INTS1: variants seen among roughly 807,000 people sequenced by gnomAD.
INTS1 encodes integrator complex subunit 1.
In INTS1, 137 loss-of-function variants were observed where a neutral mutation model predicts 241.6. The ratio of observed to expected loss-of-function variants is 0.57; its 90% CI spans 0.49 to 0.65. INTS1 has a LOEUF of 0.65. INTS1 is among the 30% of genes least tolerant of loss of function. The probability of loss-of-function intolerance (pLI) is 0.00; values close to 1 mark genes in which losing one functional copy is unlikely to be tolerated. For synonymous variants in INTS1, 1,692 were observed against 1,337.8 expected (o/e 1.26, Z -5.78); for missense variants, 3,073 against 3,032.2 (o/e 1.01, Z -0.32).
chr7:1,487,612 AGGGACGC>A, intron 19 of INTS1, 141 bp downstream of exon 19: 1 of 1,278,930 alleles, frequency 7.8e-7, no homozygotes. Flanking sequence ...GCAGTAAGCC[AGGGACGC>A]GGGGACGGGG....
In INTS1 at chr7:1,474,155, C is replaced by T. The variant is rs376733081; in HGVS notation, c.5829+13G>A. On this transcript the variant is annotated intron_variant, in intron 41 of 47. Transcript: ENST00000404767. ...TGGAAGGGAGCGCGAGGGCGGGCGGCGGGAGCACACACCAGCAGCAGGCGG... is the reference window on the plus strand; with the variant it reads ...TGGAAGGGAGCGCGAGGGCGGGCGGTGGGAGCACACACCAGCAGCAGGCGG... 95 of 1,546,078 alleles carry T rather than the reference C, an allele frequency of 6.1e-5. No homozygotes were observed. Among genetic ancestry groups the T allele is most frequent in the Admixed American group, 2.0e-4 (11 of 55,742 alleles).
intron 39 of INTS1, among the ~76,000 whole-genome samples, chr7:1,475,639 C>T (rs942363143): frequency 1.3e-5 from 2 of 152,162 alleles, no homozygotes; most frequent in Non-Finnish European, 2.9e-5. Context: ...CTGTCACTGC[C>T]CCAAACTGAA....
At chr7:1,474,412 G>T (rs915560258) in intron 40 of INTS1, 52 bp from the exon 41 acceptor site, 7 of 1,511,460 alleles carry the variant, frequency 4.6e-6, no homozygotes, top group Non-Finnish European at 4.4e-6. Context: ...CTCACCTGGC[G>T]CACGTCCCCA....
At chr7:1,473,544 C>T (rs1046228836) in intron 42 of INTS1, 22 bp downstream of exon 42, 6 of 1,572,478 alleles carry the variant, frequency 3.8e-6, no homozygotes, top group Non-Finnish European at 5.2e-6. Context: ...CCGAGGCTTC[C>T]CTGCAGCCCG....
Position 1,497,434 on chromosome 7 carries a change from T to G in INTS1, c.1426-120A>C. The G allele has an allele frequency of 9.3e-7, 1 of 1,076,564 alleles. No individual in the cohort carries two copies. Among genetic ancestry groups the G allele is most frequent in the Non-Finnish European group, 1.3e-6 (1 of 772,070 alleles). The allele number at this position is 1,076,564 out of a possible 1,614,324, so 66.7% of individuals were successfully genotyped here. A position where few individuals can be genotyped will look rare whatever the true frequency, so the allele number is the denominator to read the frequency against. The stretch of plus-strand genomic sequence containing the variant: ...GCGCTGCAGTGGGTCTCAGACAGTG[T>G]GGGGTGCGGGGTGGCGGGCTCCTTG... On this transcript the variant is annotated intron_variant, in intron 10 of 47. Transcript: ENST00000404767. This position sits in a 1 kb window ranked among gnomAD's most constrained non-coding sequence, Gnocchi z 5.3.
chr7:1,499,390 C>T (rs752351488), intron 6 of INTS1, 30 bp from the exon 7 acceptor site: 16 of 1,552,918 alleles, frequency 1.0e-5, no homozygotes, highest in South Asian at 8.5e-5. Flanking sequence ...CTCCATGCAG[C>T]GCCTCCCACC....
intron 27 of INTS1, 199 bp downstream of exon 27, chr7:1,482,347 A>C: frequency 2.1e-6 from 1 of 478,844 alleles, no homozygotes; most frequent in Non-Finnish European, 3.7e-6. Context: ...CGGGGCCAGC[A>C]CAGGCTGCCC....
chr7:1,482,963 G>GCACA, intron 26 of INTS1: 1 of 514,640 alleles, frequency 1.9e-6, no homozygotes, highest in Non-Finnish European at 3.5e-6. Context: ...GGACATGTGC[G>GCACA]TGTCCCCATC....
At chr7:1,474,906 G>C (rs1294798578) in intron 39 of INTS1, 68 bp from the exon 40 acceptor site, 1 of 1,516,394 alleles carries the variant, frequency 6.6e-7, no homozygotes, top group East Asian at 2.5e-5. Context: ...CACTCAGCCT[G>C]GCCGCCAGCT....
chr7:1,488,532 C>T (rs1156476951), intron 18 of INTS1, among the ~76,000 whole-genome samples: 2 of 152,150 alleles, frequency 1.3e-5, no homozygotes, highest in African/African-American at 4.8e-5. Flanking sequence ...AACACACAGG[C>T]AGACACACAC....
intron 9 of INTS1, 73 bp from the exon 10 acceptor site, chr7:1,498,626 C>A: frequency 6.4e-7 from 1 of 1,555,054 alleles, no homozygotes; most frequent in Non-Finnish European, 8.7e-7. Flanking sequence ...CCCCACTCCG[C>A]CCGCACCCCC....
Position 1,500,026 on chromosome 7 carries a change from C to T in INTS1, c.547-5G>A. 1 of 1,612,728 alleles carries T rather than the reference C, an allele frequency of 6.2e-7. No homozygotes were observed. Reference sequence around the variant, plus strand: ...CCGCAGGAGGCTACACAGAGCCTGCCAGGGAGGGCGCATGTCACGTGGGAG... The same window carrying T: ...CCGCAGGAGGCTACACAGAGCCTGCTAGGGAGGGCGCATGTCACGTGGGAG... On this transcript the variant is annotated splice_region_variant and splice_polypyrimidine_tract_variant and intron_variant, in intron 4 of 47. Coordinates refer to ENST00000404767, the MANE Select transcript of INTS1 (RefSeq NM_001080453.3).
chr7:1,499,301 C>A lies in INTS1; in HGVS notation c.904G>T (p.Ala302Ser). Reference protein sequence around the residue: ...EEDSQTELLIAEEKLSPEQEG... With the variant: ...EEDSQTELLISEEKLSPEQEG... Reference sequence around the variant, plus strand: ...TGCTCGGGGCTCAGCTTCTCCTCCGCGATCAGCAACTCCGTCTGGCTGTCC... The same window carrying A: ...TGCTCGGGGCTCAGCTTCTCCTCCGAGATCAGCAACTCCGTCTGGCTGTCC... The change falls in exon 7 of 48, where the codon GCG becomes TCG. Residue 302 changes from alanine to serine, a missense_variant. Ala to Ser is a moderately conservative substitution (Grantham distance 99). Coordinates refer to ENST00000404767, the MANE Select transcript of INTS1 (RefSeq NM_001080453.3). 2 of 1,607,796 alleles carry A rather than the reference C, an allele frequency of 1.2e-6. No individual in the cohort carries two copies. The highest frequency in any genetic ancestry group is 1.7e-5 in the Admixed American group (1 of 59,620).
intron 22 of INTS1, among the ~76,000 whole-genome samples, chr7:1,485,754 C>G (rs1379468119): frequency 6.6e-6 from 1 of 152,252 alleles, no homozygotes; most frequent in Non-Finnish European, 1.5e-5. Context: ...CGCATCCTTC[C>G]TACGCAGGGA....
At position 1,473,980 on chromosome 7, in the gene INTS1, C is replaced by T. The variant is rs115495809; in HGVS notation, c.5829+188G>A. ...GGGCTGGGCTTCTGAAGGACGTGGG[C>T]CCCCCAGGCACGTGAGGGGCAGCAG... On this transcript the variant is annotated intron_variant, in intron 41 of 47. Transcript: ENST00000404767. Among the ~76,000 whole-genome samples the T allele has an allele frequency of 4.6e-3, 706 of 152,278 alleles. 8 individuals are homozygous for T. The highest frequency in any genetic ancestry group is 0.016 in the African/African-American group (668 of 41,554).
intron 10 of INTS1, 153 bp downstream of exon 10, chr7:1,498,259 C>T: frequency 8.4e-7 from 1 of 1,192,298 alleles, no homozygotes; most frequent in Non-Finnish European, 1.2e-6. Flanking sequence ...CAACCTCATG[C>T]CCACGTGAGT....
rs541586088 is a variant in INTS1, at chr7:1,502,268, T to C, written c.349+633A>G. On this transcript the variant is annotated intron_variant, in intron 3 of 47. Transcript: ENST00000404767. The stretch of plus-strand genomic sequence containing the variant: ...ATGAGGCTTGCTGGGGCTGGTGCGA[T>C]AGCTGCCAGAGCGACTCCCAGGGAG... Among the ~76,000 whole-genome samples, 7 of 152,180 alleles carry C rather than the reference T, an allele frequency of 4.6e-5. No individual in the cohort carries two copies. In the South Asian group the frequency reaches 6.3e-4, roughly 14 times the overall value.
Position 1,487,961 on chromosome 7 carries a change from G to C in INTS1, c.2319-4C>G. 6.2e-7 allele frequency: 1 copy of C among 1,612,766 alleles called. No individual in the cohort carries two copies. Among genetic ancestry groups the C allele is most frequent in the South Asian group, 1.1e-5 (1 of 91,074 alleles). On this transcript the variant is annotated splice_polypyrimidine_tract_variant and splice_region_variant and intron_variant, in intron 18 of 47. Coordinates refer to ENST00000404767, the MANE Select transcript of INTS1 (RefSeq NM_001080453.3). ...GCACGGTGGGTAGGAGTAGTTGCTA[G>C]GGCCAGACGGGGGAGCGTGTCACCC...
Position 1,482,666 on chromosome 7 carries a change from G to A in INTS1, c.3583C>T (p.Pro1195Ser), listed in dbSNP as rs765088052. 2.5e-6 allele frequency: 4 copies of A among 1,612,756 alleles called. No individual in the cohort carries two copies. Among genetic ancestry groups the A allele is most frequent in the Non-Finnish European group, 3.4e-6 (4 of 1,179,866 alleles). The change falls in exon 27 of 48, where the codon CCG becomes TCG. Residue 1195 changes from proline (P) to serine (S), a missense_variant. Pro to Ser is a moderately conservative substitution (Grantham distance 74, BLOSUM62 -1). Coordinates refer to ENST00000404767, the MANE Select transcript of INTS1 (RefSeq NM_001080453.3). ...EFQALLDIWFPEEKPLPTAFL... is the reference protein window; with the variant it reads ...EFQALLDIWFSEEKPLPTAFL... ...GCGGTGGGCAGTGGCTTCTCCTCCG[G>A]AAACCAGATGTCCAGCAGCGCCTGG...
Sources: gnomAD v4.1 joint callset for allele counts (sites outside exome capture counted in the v4.1 genomes callset) on GRCh38, gnomAD v4.1.1 for gene constraint, Gnocchi (gnomAD v3.1) non-coding constraint, MANE v1.5 for transcripts, NCBI Gene and HGNC (gene_info 2026-07-23, HGNC 2026-07-21) for gene names.